Variants in LAMA2 observed in about 807,000 individuals in gnomAD.
LAMA2 encodes laminin subunit alpha 2, also known as laminin subunit alpha-2.
Under a neutral mutation model 364.8 loss-of-function variants are expected in LAMA2, and 269 were observed. The ratio of observed to expected loss-of-function variants is 0.74; its 90% CI spans 0.67 to 0.82. LAMA2 has a LOEUF of 0.82. Ranked by LOEUF, LAMA2 falls within the 40% of genes least tolerant of loss-of-function variation. The pLI is 0.00. For synonymous variants in LAMA2, 1,379 were observed against 1,370.6 expected (o/e 1.01, Z -0.14); for missense variants, 3,807 against 3,873.2 (o/e 0.98, Z 0.45).
intron 9 of LAMA2, among the ~76,000 whole-genome samples, chr6:129,169,905 C>A (rs868662147): frequency 1.4e-5 from 2 of 147,986 alleles, no homozygotes; most frequent in African/African-American, 2.6e-5. Context: ...GTGTATGTGT[C>A]GAGGAATTTA....
At chr6:129,095,124 C>T (rs976593122) in intron 3 of LAMA2, among the ~76,000 whole-genome samples, 9 of 152,158 alleles carry the variant, frequency 5.9e-5, no homozygotes, top group Non-Finnish European at 1.0e-4. Context: ...TTCTCATTTG[C>T]CTGAAGAATA....
chr6:129,183,892 T>G (rs1311655488), intron 10 of LAMA2, among the ~76,000 whole-genome samples: 1 of 151,884 alleles, frequency 6.6e-6, no homozygotes, highest in Non-Finnish European at 1.5e-5. Flanking sequence ...ACACAATGAC[T>G]CATACAAAAG....
chr6:129,127,572 T>C (rs1419447403), intron 4 of LAMA2, among the ~76,000 whole-genome samples: 2 of 152,358 alleles, frequency 1.3e-5, no homozygotes, highest in East Asian at 3.9e-4. Flanking sequence ...GTGATTCTAC[T>C]TTTAGTTGTT....
At chr6:128,919,748 G>A (rs1186785497) in intron 1 of LAMA2, among the ~76,000 whole-genome samples, 1 of 152,164 alleles carries the variant, frequency 6.6e-6, no homozygotes, top group African/African-American at 2.4e-5. Flanking sequence ...ATGCTGTCAT[G>A]GCATCTGATT....
chr6:129,197,249 TA>T (rs894835036), intron 12 of LAMA2, among the ~76,000 whole-genome samples: 1 of 152,198 alleles, frequency 6.6e-6, no homozygotes, highest in African/African-American at 2.4e-5. Flanking sequence ...CTCCTTCCCT[TA>T]CTAAGTCTTT....
intron 56 of LAMA2, among the ~76,000 whole-genome samples, chr6:129,489,177 T>A (rs1784736302): frequency 6.6e-6 from 1 of 152,208 alleles, no homozygotes; most frequent in South Asian, 2.1e-4. Context: ...CTTTTCAGAT[T>A]TTCAGACTAT....
At position 129,405,814 on chromosome 6, in the gene LAMA2, A is replaced by G. The variant is rs9321162; in HGVS notation, c.5865+1855A>G. Among the ~76,000 whole-genome samples the G allele has an allele frequency of 0.019, 2,872 of 152,276 alleles. 128 individuals are homozygous for G. In the East Asian group the frequency reaches 0.19, roughly 10 times the overall value. ...GATAGGACTAACATCCCATAAATAT[A>G]AGATCTGATATAAAAGCTATAGCTC... On this transcript the variant is annotated intron_variant, in intron 40 of 64. Coordinates refer to ENST00000421865, the MANE Select transcript of LAMA2 (RefSeq NM_000426.4).
At chr6:129,349,563 T>C (rs1048542861) in intron 31 of LAMA2, among the ~76,000 whole-genome samples, 179 bp downstream of exon 31, 1 of 152,104 alleles carries the variant, frequency 6.6e-6, no homozygotes, top group Admixed American at 6.6e-5. Flanking sequence ...AGAAAGTTGT[T>C]TATTTCCACC....
chr6:129,006,570 C>T (rs1369601760), intron 1 of LAMA2, among the ~76,000 whole-genome samples: 2 of 152,152 alleles, frequency 1.3e-5, no homozygotes, highest in African/African-American at 4.8e-5. Context: ...CAGGTGCTGC[C>T]TCTTTCCAAT....
Position 129,289,712 on chromosome 6 carries a change from T to C in LAMA2, c.2749+1654T>C, listed in dbSNP as rs538887945. ...GAAAATTATTATGGGATTATTTTAT[T>C]ATGGTAATTTATTATGGGATCCATG... On this transcript the variant is annotated intron_variant, in intron 19 of 64. Transcript: ENST00000421865. 7.9e-5 allele frequency among the ~76,000 whole-genome samples: 12 copies of C among 152,206 alleles called. No homozygotes were observed. In the South Asian group the frequency reaches 8.3e-4, roughly 11 times the overall value.
At position 129,402,411 on chromosome 6, in the gene LAMA2, A is replaced by T; in HGVS notation, c.5650A>T (p.Arg1884Trp). 1.9e-6 allele frequency: 3 copies of T among 1,614,134 alleles called. No individual in the cohort carries two copies. The highest frequency in any genetic ancestry group is 2.5e-6 in the Non-Finnish European group (3 of 1,180,012). The change falls in exon 39 of 65, where the codon AGG becomes TGG. Residue 1884 changes from arginine to tryptophan, a missense_variant. By Grantham distance (101) the Arg-to-Trp change is moderately radical. This residue lies in a region of LAMA2 where 3,333 missense variants were observed against 3,345.7 expected (regional missense o/e 1.00). Transcript: ENST00000421865. ...IDDLSQEIKD[R>W]KLAEKVSQAE... ...TGACCTCTCCCAAGAAATAAAGGAC[A>T]GGAAGCTTGCTGAGAAGGTGTCCCA... is the stretch of plus-strand genomic sequence containing the variant.
intron 15 of LAMA2, among the ~76,000 whole-genome samples, chr6:129,262,051 T>C (rs1312887638): frequency 6.6e-6 from 1 of 152,170 alleles, no homozygotes; most frequent in Non-Finnish European, 1.5e-5. Context: ...TTAAGGCTTG[T>C]TTCCACATAC....
At chr6:128,911,476 A>G (rs918083371) in intron 1 of LAMA2, among the ~76,000 whole-genome samples, 11 of 152,076 alleles carry the variant, frequency 7.2e-5, no homozygotes, top group South Asian at 2.1e-4. Context: ...GAGTGAGGCA[A>G]TGCCTCACCC....
At chr6:129,477,419 G>A (rs1784120515) in intron 53 of LAMA2, among the ~76,000 whole-genome samples, 1 of 152,118 alleles carries the variant, frequency 6.6e-6, no homozygotes, top group African/African-American at 2.4e-5. Flanking sequence ...CACTTACTGT[G>A]TGCAGTGCTA....
intron 20 of LAMA2, among the ~76,000 whole-genome samples, chr6:129,292,054 G>A (rs538280647): frequency 6.6e-6 from 1 of 152,288 alleles, no homozygotes; most frequent in East Asian, 1.9e-4. Flanking sequence ...AGAATAAAAT[G>A]TTACTCTTGG....
At chr6:129,050,236 T>C (rs1787904517) in intron 2 of LAMA2, 148 bp downstream of exon 2, 1 of 772,740 alleles carries the variant, frequency 1.3e-6, no homozygotes, top group Non-Finnish European at 2.1e-6. Context: ...CTGGCCCCTC[T>C]CTGTCATTCA....
chr6:129,095,880 G>C (rs542361433), intron 3 of LAMA2, among the ~76,000 whole-genome samples: 13 of 151,546 alleles, frequency 8.6e-5, no homozygotes, highest in Non-Finnish European at 1.6e-4. Flanking sequence ...CCAAGCTTGC[G>C]CCATTGCACT....
chr6:129,490,448 C>A (rs1277114585), intron 56 of LAMA2, among the ~76,000 whole-genome samples: 1 of 152,168 alleles, frequency 6.6e-6, no homozygotes, highest in East Asian at 1.9e-4. Flanking sequence ...GGCAGAACCA[C>A]ACTACAGAGA....
intron 52 of LAMA2, among the ~76,000 whole-genome samples, chr6:129,473,982 A>T (rs998465490): frequency 1.3e-4 from 20 of 152,080 alleles, no homozygotes; most frequent in Non-Finnish European, 1.9e-4. Context: ...TAGTTAATTT[A>T]CTGCTCATTA....
Sources: allele counts gnomAD v4.1 joint callset (sites outside exome capture counted in the v4.1 genomes callset), GRCh38; gene constraint gnomAD v4.1.1; regional missense constraint gnomAD v4.1.1; transcripts MANE v1.5; gene names NCBI Gene and HGNC (gene_info 2026-07-23, HGNC 2026-07-21).